The following BIK variants were observed in gnomAD, a reference collection of about 807,000 sequenced individuals.
BIK encodes the protein BCL2 interacting killer.
BIK carries 14 observed loss-of-function variants against 12.1 expected under a neutral mutation model. The observed-to-expected ratio is 1.16, with a 90% CI of 0.77 to 1.81. BIK has a LOEUF of 1.81. Ranked by LOEUF, BIK falls within the 40% of genes most tolerant of loss-of-function variation. BIK has a pLI of 0.00. For synonymous variants in BIK, 86 were observed against 92.3 expected (o/e 0.93, Z 0.39); for missense variants, 215 against 207.9 (o/e 1.03, Z -0.21).
In BIK at chr22:43,124,085, C is replaced by T. The variant is rs780165379; in HGVS notation, c.63C>T (p.Leu21=). 1.4e-4 allele frequency: 222 copies of T among 1,614,058 alleles called. 1 individual carries two copies. Among genetic ancestry groups the T allele is most frequent in the Middle Eastern group, 6.6e-4 (4 of 6,082 alleles). ...TGGAGACCCTCCTGTATGAGCAGCT[C>T]CTGGAACCCCCGACCATGGAGGTTC... ...ILMETLLYEQ[L]LEPPTMEVLG... The change falls in exon 2 of 5, where the codon CTC becomes CTT. Residue 21 remains leucine, a synonymous_variant. Transcript: ENST00000216115.
intron 2 of BIK, among the ~76,000 whole-genome samples, chr22:43,125,544 A>G (rs4988427): frequency 0.05 from 6,941 of 137,738 alleles, 723 homozygotes; most frequent in East Asian, 0.46. Flanking sequence ...AACCTCTACT[A>G]AAAATACAAA....
chr22:43,129,481 T>A lies in BIK; in HGVS notation c.*176T>A, dbSNP rs182750519. On this transcript the variant is annotated 3_prime_UTR_variant, in exon 5 of 5. Transcript: ENST00000216115. ...ATACTCAGGTTTTTTGTTTTTTTTT[T>A]ATTCCAGTTTTCGTTTTTTCTAAAA... 4.1e-3 allele frequency: 4,573 copies of A among 1,123,938 alleles called. 17 individuals are homozygous for A. Among genetic ancestry groups the A allele is most frequent in the Non-Finnish European group, 5.0e-3 (4,091 of 824,630 alleles). 69.6% of individuals were successfully genotyped at this position (1,123,938 alleles called of 1,614,324 possible). A position where few individuals can be genotyped will look rare whatever the true frequency, so the allele number is the denominator to read the frequency against.
At chr22:43,127,898 G>A in intron 3 of BIK, 103 bp downstream of exon 3, 1 of 1,116,884 alleles carries the variant, frequency 9.0e-7, no homozygotes, top group Non-Finnish European at 1.2e-6. Flanking sequence ...GAAGCTCTGT[G>A]GGGGATGTGC....
chr22:43,118,443 G>A (rs1057340827), intron 1 of BIK, among the ~76,000 whole-genome samples: 3 of 152,212 alleles, frequency 2.0e-5, no homozygotes, highest in Non-Finnish European at 4.4e-5. Context: ...AGGCTCAGAG[G>A]TGAGCTGGTT....
At position 43,129,282 on chromosome 22, in the gene BIK, G is replaced by A. The variant is rs781601891; in HGVS notation, c.460G>A (p.Gly154Ser). 13 of 1,600,312 alleles carry A rather than the reference G, an allele frequency of 8.1e-6. No homozygotes were observed. The African/African-American group carries it at 1.5e-4, about 18-fold the overall frequency. The change falls in exon 5 of 5, where the codon GGC (glycine) becomes AGC (serine). Residue 154 changes from glycine (G) to serine (S), a missense_variant. Coordinates refer to ENST00000216115, the MANE Select transcript of BIK (RefSeq NM_001197.5). ...GCTGCTGCTGCCGCTGCTCAGCGGG[G>A]GCCTGCACCTGCTGCTCAAGTGAGG... is the stretch of plus-strand genomic sequence containing the variant. ...LALLLPLLSG[G>S]LHLLLK
At chr22:43,119,587 C>G (rs1024739164) in intron 1 of BIK, among the ~76,000 whole-genome samples, 1 of 151,892 alleles carries the variant, frequency 6.6e-6, no homozygotes, top group Non-Finnish European at 1.5e-5. Flanking sequence ...TGCCCTGTAG[C>G]CCAGCCTGGA....
chr22:43,114,843 G>A (rs975855312), intron 1 of BIK, among the ~76,000 whole-genome samples: 3 of 152,220 alleles, frequency 2.0e-5, no homozygotes, highest in Non-Finnish European at 4.4e-5. Context: ...TACCATGCAT[G>A]CAGCATTTCA....
chr22:43,112,620 A>C, intron 1 of BIK, among the ~76,000 whole-genome samples: 1 of 149,598 alleles, frequency 6.7e-6, no homozygotes, highest in Middle Eastern at 3.4e-3. Context: ...AGATTCTCAC[A>C]CATTTGACTC....
chr22:43,126,250 ATC>A lies in BIK; in HGVS notation c.162-1443_162-1442del, dbSNP rs558006793. ...GCCCAGGCTGGAGTACAGTGGCATGATCTCTGCTCACCACAAGCTCCACCTCC... is the reference window on the plus strand; with the variant it reads ...GCCCAGGCTGGAGTACAGTGGCATGATCTGCTCACCACAAGCTCCACCTCC... On this transcript the variant is annotated intron_variant, in intron 2 of 4. Coordinates refer to ENST00000216115, the MANE Select transcript of BIK (RefSeq NM_001197.5). 1.5e-3 allele frequency among the ~76,000 whole-genome samples: 217 copies of A among 146,878 alleles called. 1 individual carries two copies. The highest frequency in any genetic ancestry group is 5.2e-3 in the African/African-American group (205 of 39,090).
rs551231429 is a variant in BIK, at chr22:43,116,501, C to G, written c.-8+5698C>G. ...TTGAGACAGTTTTGTTCTTGTCACCCAGGCTGGAGTGTAATGGCATAATCT... is the reference window on the plus strand; with the variant it reads ...TTGAGACAGTTTTGTTCTTGTCACCGAGGCTGGAGTGTAATGGCATAATCT... On this transcript the variant is annotated intron_variant, in intron 1 of 4. Coordinates refer to ENST00000216115, the MANE Select transcript of BIK (RefSeq NM_001197.5). Among the ~76,000 whole-genome samples, 6 of 152,002 alleles carry G rather than the reference C, an allele frequency of 3.9e-5. No individual in the cohort carries two copies. The South Asian group carries it at 1.2e-3, about 32-fold the overall frequency.
intron 1 of BIK, among the ~76,000 whole-genome samples, chr22:43,122,538 G>A (rs896167418): frequency 2.0e-5 from 3 of 152,162 alleles, no homozygotes; most frequent in Middle Eastern, 6.3e-3. Flanking sequence ...CACAGTCATC[G>A]TCATTATCGT....
chr22:43,124,042 T>G lies in BIK; in HGVS notation c.20T>G (p.Leu7Arg). The part of the protein sequence containing the change: MSEVRP[L>R]SRDILMETLL... ...GGAGAAATGTCTGAAGTAAGACCCC[T>G]CTCCAGAGACATCTTGATGGAGACC... The change falls in exon 2 of 5, where the codon CTC becomes CGC. Residue 7 changes from leucine to arginine, a missense_variant. Leu to Arg is a moderately radical substitution (Grantham distance 102). Coordinates refer to ENST00000216115, the MANE Select transcript of BIK (RefSeq NM_001197.5). The G allele has an allele frequency of 6.2e-7, 1 of 1,614,132 alleles. No individual in the cohort carries two copies. Among genetic ancestry groups the G allele is most frequent in the Non-Finnish European group, 8.5e-7 (1 of 1,180,010 alleles).
At position 43,129,471 on chromosome 22, in the gene BIK, G is replaced by GTT. The variant is rs368531160; in HGVS notation, c.*175_*176dup. On this transcript the variant is annotated 3_prime_UTR_variant, in exon 5 of 5. Coordinates refer to ENST00000216115, the MANE Select transcript of BIK (RefSeq NM_001197.5). ...CTGAGGTTTTATACTCAGGTTTTTT[G>GTT]TTTTTTTTTTATTCCAGTTTTCGTT... 3.8e-4 allele frequency: 399 copies of GTT among 1,056,074 alleles called. No homozygotes were observed. The highest frequency in any genetic ancestry group is 1.1e-3 in the African/African-American group (65 of 57,698). The allele number at this position is 1,056,074 out of a possible 1,614,324, so 65.4% of individuals were successfully genotyped here. A position where few individuals can be genotyped will look rare whatever the true frequency, so the allele number is the denominator to read the frequency against.
At chr22:43,125,212 C>G (rs1366328139) in intron 2 of BIK, among the ~76,000 whole-genome samples, 1 of 152,152 alleles carries the variant, frequency 6.6e-6, no homozygotes, top group African/African-American at 2.4e-5. Flanking sequence ...TGGGCTTTGG[C>G]TGGCGTCTTT....
chr22:43,126,399 A>T (rs1031619273), intron 2 of BIK, among the ~76,000 whole-genome samples: 1 of 151,966 alleles, frequency 6.6e-6, no homozygotes, highest in Non-Finnish European at 1.5e-5. Flanking sequence ...GTTAGCCAGG[A>T]TGGTCTCGAT....
chr22:43,121,244 CTGGT>C (rs1930213679), intron 1 of BIK, among the ~76,000 whole-genome samples: 1 of 152,148 alleles, frequency 6.6e-6, no homozygotes, highest in Admixed American at 6.5e-5. Context: ...GAAACTGAGG[CTGGT>C]GCAGGAAGGG....
At chr22:43,127,407 T>C (rs1930338691) in intron 2 of BIK, among the ~76,000 whole-genome samples, 1 of 152,180 alleles carries the variant, frequency 6.6e-6, no homozygotes, top group Non-Finnish European at 1.5e-5. Flanking sequence ...CTGTTCCCCT[T>C]GTCCACCATT....
chr22:43,129,441 C>A lies in BIK; in HGVS notation c.*136C>A. 1 of 1,353,932 alleles carries A rather than the reference C, an allele frequency of 7.4e-7. No individual in the cohort carries two copies. Among genetic ancestry groups the A allele is most frequent in the Non-Finnish European group, 9.8e-7 (1 of 1,024,010 alleles). The allele number at this position is 1,353,932 out of a possible 1,614,324, so 83.9% of individuals were successfully genotyped here. ...TTTAAACCCCGAGATAGTGCTGGAA[C>A]ACTGCTGAGGTTTTATACTCAGGTT... On this transcript the variant is annotated 3_prime_UTR_variant, in exon 5 of 5. Coordinates refer to ENST00000216115, the MANE Select transcript of BIK (RefSeq NM_001197.5).
At chr22:43,115,825 T>G (rs1292106037) in intron 1 of BIK, among the ~76,000 whole-genome samples, 1 of 151,422 alleles carries the variant, frequency 6.6e-6, no homozygotes, top group Non-Finnish European at 1.5e-5. Context: ...GGCACGATCT[T>G]GGCTCACTGC....
Sources: gnomAD v4.1 joint callset for allele counts (sites outside exome capture counted in the v4.1 genomes callset) on GRCh38, gnomAD v4.1.1 for gene constraint, MANE v1.5 for transcripts, NCBI Gene and HGNC (gene_info 2026-07-23, HGNC 2026-07-21) for gene names.